Variants in PNPT1 observed in about 807,000 individuals in gnomAD.
PNPT1 encodes polyribonucleotide nucleotidyltransferase 1.
Under a neutral mutation model 119.5 loss-of-function variants are expected in PNPT1, and 53 were observed. The observed-to-expected ratio is 0.44, with a 90% CI of 0.36 to 0.56. PNPT1 has a LOEUF of 0.56. PNPT1 is among the 20% of genes least tolerant of loss of function. The pLI, the probability that PNPT1 is intolerant of heterozygous loss-of-function variation, is 0.00. For missense variants in PNPT1, 948 were observed against 938.5 expected, an observed-to-expected ratio of 1.01 and a Z score of -0.13; for synonymous variants, 357 against 322.1, an observed-to-expected ratio of 1.11 and a Z score of -1.16.
intron 18 of PNPT1, among the ~76,000 whole-genome samples, chr2:55,654,256 C>CA (rs1376567034): frequency 0.52 from 55,968 of 108,624 alleles, 13,301 homozygotes; most frequent in Non-Finnish European, 0.57. Context: ...GACTCTGTCT[C>CA]AAAAAAAAAA....
At position 55,692,686 on chromosome 2, in the gene PNPT1, C is replaced by T. The variant is rs965959305; in HGVS notation, c.161+977G>A. Among the ~76,000 whole-genome samples the T allele has an allele frequency of 3.3e-5, 5 of 152,204 alleles. No homozygotes were observed. The East Asian group carries it at 7.7e-4, about 24-fold the overall frequency. On this transcript the variant is annotated intron_variant, in intron 1 of 27. Coordinates refer to ENST00000447944, the MANE Select transcript of PNPT1 (RefSeq NM_033109.5). ...AACTATAAAATGAGGGTAATAGTAC[C>T]TTTACGACAGGTTTAAAAAGATTGC...
At chr2:55,688,663 T>G (rs1358002889) in intron 1 of PNPT1, among the ~76,000 whole-genome samples, 1 of 151,926 alleles carries the variant, frequency 6.6e-6, no homozygotes, top group African/African-American at 2.4e-5. Flanking sequence ...AGGGGGAGGT[T>G]ACAGTGAGCC....
At chr2:55,671,731 G>A (rs1240547869) in intron 10 of PNPT1, among the ~76,000 whole-genome samples, 1 of 152,220 alleles carries the variant, frequency 6.6e-6, no homozygotes, top group Non-Finnish European at 1.5e-5. Flanking sequence ...CTACTTGGGA[G>A]GCTGAGGCAT....
intron 1 of PNPT1, among the ~76,000 whole-genome samples, chr2:55,688,856 G>A (rs1192587360): frequency 6.6e-6 from 1 of 152,124 alleles, no homozygotes; most frequent in Non-Finnish European, 1.5e-5. Context: ...CAACAGAAGG[G>A]GAAAGAACAA....
chr2:55,650,267 C>T (rs1322405850), intron 18 of PNPT1, among the ~76,000 whole-genome samples: 3 of 152,190 alleles, frequency 2.0e-5, no homozygotes, highest in South Asian at 4.1e-4. Flanking sequence ...CTCAGCCTGC[C>T]GACTGCCTGC....
intron 9 of PNPT1, 111 bp downstream of exon 9, chr2:55,672,782 G>A: frequency 9.9e-7 from 1 of 1,013,518 alleles, no homozygotes; most frequent in Non-Finnish European, 1.4e-6. Context: ...AAACAGAAAA[G>A]TGCTATTTAT....
chr2:55,644,858 A>ATTT (rs1695936829), intron 22 of PNPT1, 138 bp from the exon 23 acceptor site: 1 of 485,194 alleles, frequency 2.1e-6, no homozygotes, highest in South Asian at 4.6e-5. Flanking sequence ...AGAAAAGTAG[A>ATTT]TGATTAAAAT....
rs1282814271 is a variant in PNPT1 at position 55,640,729 on chromosome 2, C to T, written c.2070-24G>A. 30 of 1,435,848 alleles carry T rather than the reference C, an allele frequency of 2.1e-5. 1 individual carries two copies. The highest frequency in any genetic ancestry group is 2.7e-5 in the Non-Finnish European group (28 of 1,025,916). 88.9% of individuals were successfully genotyped at this position (1,435,848 alleles called of 1,614,324 possible). ...CTCTACAAAAAAATAAATAGTAAGCCTGGTTAAAATAATAAGTATCTGTAT... is the reference window on the plus strand; with the variant it reads ...CTCTACAAAAAAATAAATAGTAAGCTTGGTTAAAATAATAAGTATCTGTAT... On this transcript the variant is annotated intron_variant, in intron 25 of 27. Transcript: ENST00000447944.
rs542079061 is a variant in PNPT1 at position 55,651,498 on chromosome 2, CAT to C, written c.1495+3400_1495+3401del. On this transcript the variant is annotated intron_variant, in intron 18 of 27. Coordinates refer to ENST00000447944, the MANE Select transcript of PNPT1 (RefSeq NM_033109.5). ...ACCCCCAACCCTGTGCTCTCTGAAACATGTGCTGTGTCCACTCAGGGTTGAAT... is the reference window on the plus strand; with the variant it reads ...ACCCCCAACCCTGTGCTCTCTGAAACGTGCTGTGTCCACTCAGGGTTGAAT... 7.6e-3 allele frequency among the ~76,000 whole-genome samples: 1,153 copies of C among 152,254 alleles called. 10 individuals are homozygous for C. Among genetic ancestry groups the C allele is most frequent in the Non-Finnish European group, 0.012 (834 of 68,006 alleles).
intron 8 of PNPT1, among the ~76,000 whole-genome samples, chr2:55,676,324 G>A (rs1313581131): frequency 1.4e-5 from 2 of 143,896 alleles, no homozygotes; most frequent in Non-Finnish European, 3.0e-5. Context: ...AGCAGTTGAA[G>A]ATGAAGGAGT....
chr2:55,693,116 T>C (rs1572842680), intron 1 of PNPT1, among the ~76,000 whole-genome samples: 1 of 152,286 alleles, frequency 6.6e-6, no homozygotes. Context: ...TAAACGAATA[T>C]TTCCACAATG....
At chr2:55,656,797 A>C (rs542436383) in intron 15 of PNPT1, among the ~76,000 whole-genome samples, 2 of 152,340 alleles carry the variant, frequency 1.3e-5, no homozygotes, top group East Asian at 3.9e-4. Flanking sequence ...TTTTAGAGTT[A>C]TCTCTCTCCA....
intron 1 of PNPT1, among the ~76,000 whole-genome samples, chr2:55,692,622 TAG>T (rs1697652371): frequency 6.6e-6 from 1 of 152,200 alleles, no homozygotes; most frequent in African/African-American, 2.4e-5. Flanking sequence ...TATAGACTCT[TAG>T]AAAGTTATCT....
At chr2:55,640,559 C>G (rs911022308) in intron 26 of PNPT1, 68 bp downstream of exon 26, 6 of 1,292,576 alleles carry the variant, frequency 4.6e-6, no homozygotes, top group African/African-American at 1.5e-5. Flanking sequence ...TCTTACCAAC[C>G]TAGGTAATTT....
At chr2:55,672,132 T>A in intron 9 of PNPT1, 86 bp from the exon 10 acceptor site, 1 of 997,890 alleles carries the variant, frequency 1.0e-6, no homozygotes, top group Non-Finnish European at 1.5e-6. Flanking sequence ...AAATATTTAA[T>A]AATAATCAGC....
chr2:55,650,786 C>A (rs1490822747), intron 18 of PNPT1, among the ~76,000 whole-genome samples: 1 of 151,324 alleles, frequency 6.6e-6, no homozygotes, highest in Middle Eastern at 3.4e-3. Context: ...AGCCCCTCCG[C>A]CCGGCAGCCG....
At chr2:55,681,467 A>C (rs1285868051) in intron 5 of PNPT1, among the ~76,000 whole-genome samples, 3 of 152,178 alleles carry the variant, frequency 2.0e-5, no homozygotes, top group African/African-American at 7.2e-5. Context: ...TATGAGAATC[A>C]GATAAATACG....
intron 1 of PNPT1, 120 bp downstream of exon 1, chr2:55,693,543 A>G: frequency 7.2e-7 from 1 of 1,385,790 alleles, no homozygotes; most frequent in Non-Finnish European, 9.8e-7. Context: ...ATTTAGGTTT[A>G]GGGTAAGGAG....
chr2:55,656,084 G>C, intron 17 of PNPT1, 47 bp downstream of exon 17: 1 of 1,571,206 alleles, frequency 6.4e-7, no homozygotes, highest in Non-Finnish European at 8.6e-7. Flanking sequence ...TAATAGAATA[G>C]GGAATATGGT....
Sources: allele counts gnomAD v4.1 joint callset (sites outside exome capture counted in the v4.1 genomes callset), GRCh38; gene constraint gnomAD v4.1.1; transcripts MANE v1.5; gene names NCBI Gene and HGNC (gene_info 2026-07-23, HGNC 2026-07-21).